Variants in RAB19 observed in about 807,000 individuals in gnomAD.
RAB19 encodes ras-related protein Rab-19.
In RAB19, 21 loss-of-function variants were observed where a neutral mutation model predicts 17.3. The observed-to-expected ratio is 1.21, with a 90% CI of 0.86 to 1.74. The LOEUF (loss-of-function observed/expected upper bound fraction) is 1.74. Among genes scored for constraint, RAB19 ranks in the 40% most tolerant of loss-of-function variants. The pLI is 0.00. For missense variants in RAB19, 277 were observed against 286.8 expected, an observed-to-expected ratio of 0.97 and a Z score of 0.25; for synonymous variants, 126 against 110.4, an observed-to-expected ratio of 1.14 and a Z score of -0.88.
intron 1 of RAB19, among the ~76,000 whole-genome samples, chr7:140,405,290 G>T (rs775559410): frequency 6.6e-6 from 1 of 151,998 alleles, no homozygotes; most frequent in African/African-American, 2.4e-5. Flanking sequence ...GTGCGATCTC[G>T]GCTCACTGCA....
chr7:140,422,280 T>A (rs1271789563), intron 3 of RAB19, among the ~76,000 whole-genome samples: 1 of 151,914 alleles, frequency 6.6e-6, no homozygotes, highest in African/African-American at 2.4e-5. Context: ...TCCCAGCTAC[T>A]CGGGAGGCGG....
intron 2 of RAB19, chr7:140,410,833 T>G: frequency 1.1e-4 from 85 of 800,106 alleles, no homozygotes; most frequent in Non-Finnish European, 1.4e-4. Context: ...ATAAATAGTA[T>G]GAGAATATGA....
chr7:140,407,447 A>T, intron 1 of RAB19, 177 bp from the exon 2 acceptor site: 1 of 567,392 alleles, frequency 1.8e-6, no homozygotes, highest in South Asian at 2.1e-5. Flanking sequence ...CCCTAAAGTA[A>T]GATCAACACA....
At chr7:140,407,429 A>T (rs2130084209) in intron 1 of RAB19, 195 bp from the exon 2 acceptor site, 2 of 538,028 alleles carry the variant, frequency 3.7e-6, no homozygotes. Context: ...TCTTTATTCC[A>T]AGAGCACCCC....
chr7:140,409,461 G>A (rs1356143251), intron 2 of RAB19, among the ~76,000 whole-genome samples: 9 of 152,008 alleles, frequency 5.9e-5, no homozygotes, highest in African/African-American at 1.9e-4. Flanking sequence ...TTTGGAGGCC[G>A]AGGCAGGCGG....
intron 3 of RAB19, among the ~76,000 whole-genome samples, chr7:140,421,182 C>T (rs930546548): frequency 1.8e-4 from 28 of 151,706 alleles, no homozygotes; most frequent in African/African-American, 5.6e-4. Flanking sequence ...TGAGCCACCA[C>T]GCCTGGCCTT....
chr7:140,421,309 A>G (rs1413614468), intron 3 of RAB19, among the ~76,000 whole-genome samples: 3 of 152,118 alleles, frequency 2.0e-5, no homozygotes, highest in African/African-American at 7.2e-5. Context: ...CTCCTGCCTC[A>G]ATCTTCCAAG....
intron 2 of RAB19, among the ~76,000 whole-genome samples, chr7:140,408,458 G>A (rs1367026708): frequency 6.6e-6 from 1 of 151,808 alleles, no homozygotes; most frequent in Non-Finnish European, 1.5e-5. Flanking sequence ...GTGGGGGAGT[G>A]TAGACAGGGC....
At chr7:140,423,439 C>CAAA (rs59001396) in intron 3 of RAB19, among the ~76,000 whole-genome samples, 32 of 131,040 alleles carry the variant, frequency 2.4e-4, no homozygotes, top group East Asian at 6.8e-4. Context: ...GACTACATTT[C>CAAA]AAAAAAAAAA....
At chr7:140,413,791 C>G (rs539746232) in intron 3 of RAB19, among the ~76,000 whole-genome samples, 1 of 152,064 alleles carries the variant, frequency 6.6e-6, no homozygotes, top group Non-Finnish European at 1.5e-5. Context: ...TACAAACGGC[C>G]GGGGTGGACA....
At position 140,418,677 on chromosome 7, in the gene RAB19, A is replaced by G. The variant is rs1799505720; in HGVS notation, c.385+6620A>G. Among the ~76,000 whole-genome samples, 3 of 151,760 alleles carry G rather than the reference A, an allele frequency of 2.0e-5. No individual in the cohort carries two copies. In the South Asian group the frequency reaches 6.2e-4, roughly 32 times the overall value. On this transcript the variant is annotated intron_variant, in intron 3 of 3. Coordinates refer to ENST00000537763, the MANE Select transcript of RAB19 (RefSeq NM_001008749.3). ...GAGGTCGGACCAGCCTGAACAACATAGGGAGACCCGATCTCTACAAAAAAA... is the reference window on the plus strand; with the variant it reads ...GAGGTCGGACCAGCCTGAACAACATGGGGAGACCCGATCTCTACAAAAAAA...
intron 3 of RAB19, among the ~76,000 whole-genome samples, chr7:140,417,966 C>T (rs1291731715): frequency 6.6e-6 from 1 of 152,166 alleles, no homozygotes; most frequent in African/African-American, 2.4e-5. Flanking sequence ...TGCAAAGACC[C>T]TGTTAGCATT....
chr7:140,417,514 T>TGTC (rs1799482202), intron 3 of RAB19, among the ~76,000 whole-genome samples: 1 of 152,096 alleles, frequency 6.6e-6, no homozygotes, highest in Non-Finnish European at 1.5e-5. Context: ...CACCAGGGAC[T>TGTC]GTCATTCCTT....
rs370769570 is a variant in RAB19 at position 140,411,105 on chromosome 7, A to T, written c.202-769A>T. On this transcript the variant is annotated intron_variant, in intron 2 of 3. Coordinates refer to ENST00000537763, the MANE Select transcript of RAB19 (RefSeq NM_001008749.3). ...AGAACACAAGACCCCAGGATAAAAT[A>T]GGCCCACCTCTCGGCCGGGCGCAGT... 8.2e-5 allele frequency: 112 copies of T among 1,367,558 alleles called. No individual in the cohort carries two copies. The African/African-American group carries it at 1.6e-3, about 19-fold the overall frequency. 84.7% of individuals were successfully genotyped at this position (1,367,558 alleles called of 1,614,324 possible).
chr7:140,411,809 G>A, intron 2 of RAB19, 65 bp from the exon 3 acceptor site: 1 of 1,613,396 alleles, frequency 6.2e-7, no homozygotes. Flanking sequence ...AGAAGATGTA[G>A]GTGAAGGAGT....
intron 1 of RAB19, among the ~76,000 whole-genome samples, chr7:140,406,625 C>T (rs915841917): frequency 1.3e-5 from 2 of 148,570 alleles, no homozygotes; most frequent in Non-Finnish European, 3.0e-5. Flanking sequence ...GGCGACACAG[C>T]GAGACTCTTT....
Position 140,425,895 on chromosome 7 carries a change from C to T in RAB19, c.399C>T (p.Asp133=), listed in dbSNP as rs1799656902. The T allele has an allele frequency of 6.2e-7, 1 of 1,610,232 alleles. No homozygotes were observed. Among genetic ancestry groups the T allele is most frequent in the African/African-American group, 1.3e-5 (1 of 74,778 alleles). Residue 133 remains aspartate, a synonymous_variant, in exon 4 of 4, where the codon GAC becomes GAT. Coordinates refer to ENST00000537763, the MANE Select transcript of RAB19 (RefSeq NM_001008749.3). ...VVIMLIGNKC[D]LWEKRHVLFE... is the part of the protein sequence containing the mutation. ...TTTTCCTTCCAGGAAATAAATGTGA[C>T]CTCTGGGAAAAGCGGCACGTCCTGT...
intron 3 of RAB19, among the ~76,000 whole-genome samples, chr7:140,424,211 G>A (rs1799611769): frequency 6.7e-6 from 1 of 149,104 alleles, no homozygotes; most frequent in Non-Finnish European, 1.5e-5. Context: ...AGGCTGGAGT[G>A]CAATAGTGCG....
intron 3 of RAB19, among the ~76,000 whole-genome samples, chr7:140,420,181 G>A (rs1473519690): frequency 3.9e-5 from 6 of 152,124 alleles, no homozygotes. Flanking sequence ...AGCACTTTGG[G>A]AGGCCGAGGC....
Sources: gnomAD v4.1 joint callset for allele counts (sites outside exome capture counted in the v4.1 genomes callset) on GRCh38, gnomAD v4.1.1 for gene constraint, MANE v1.5 for transcripts, NCBI Gene and HGNC (gene_info 2026-07-23, HGNC 2026-07-21) for gene names.